The following LPAR1 variants were observed in gnomAD, a reference collection of about 807,000 sequenced individuals.
LPAR1 encodes the protein lysophosphatidic acid receptor 1, also known as LPA receptor 1.
In LPAR1, 5 loss-of-function variants were observed where a neutral mutation model predicts 23.8. The ratio of observed to expected loss-of-function variants is 0.21; its 90% CI spans 0.11 to 0.44. The LOEUF (loss-of-function observed/expected upper bound fraction) is 0.44, where lower values mean the gene tolerates loss of function less well. Among genes scored for constraint, LPAR1 ranks in the 20% least tolerant of loss-of-function variants. The pLI is 0.99. For missense variants in LPAR1, 311 were observed against 482.8 expected (o/e 0.64, Z 3.33); for synonymous variants, 160 against 164.7 (o/e 0.97, Z 0.22).
chr9:111,024,651 T>A (rs1311113879), intron 2 of LPAR1, among the ~76,000 whole-genome samples: 1 of 151,382 alleles, frequency 6.6e-6, no homozygotes, highest in Non-Finnish European at 1.5e-5. Context: ...GCTGCACCCA[T>A]AAACTCGCCA....
chr9:111,005,305 G>A lies in LPAR1; in HGVS notation c.-182+30817C>T, dbSNP rs146445044. ...GGGAGGGAGGTGGGCCAGGCGTGACGGCTCATGCCTGTAATCCCAGCACTG... is the reference window on the plus strand; with the variant it reads ...GGGAGGGAGGTGGGCCAGGCGTGACAGCTCATGCCTGTAATCCCAGCACTG... On this transcript the variant is annotated intron_variant, in intron 2 of 5. Coordinates refer to ENST00000683809, the MANE Select transcript of LPAR1 (RefSeq NM_001351411.2). 7.8e-3 allele frequency among the ~76,000 whole-genome samples: 1,183 copies of A among 151,676 alleles called. 17 individuals are homozygous for A. The highest frequency in any genetic ancestry group is 0.027 in the African/African-American group (1,110 of 41,338).
At chr9:110,944,055 T>C (rs2095285265) in intron 4 of LPAR1, among the ~76,000 whole-genome samples, 1 of 152,142 alleles carries the variant, frequency 6.6e-6, no homozygotes, top group Admixed American at 6.5e-5. Context: ...CTCTATTTAA[T>C]GTGCTGTGCT....
At chr9:110,995,964 G>A (rs1046218506) in intron 2 of LPAR1, among the ~76,000 whole-genome samples, 3 of 152,098 alleles carry the variant, frequency 2.0e-5, no homozygotes, top group Non-Finnish European at 2.9e-5. Context: ...AAGGGAAAAG[G>A]AGCCTCTTTT....
chr9:110,956,955 CGAAACCA>C (rs1306246771), intron 4 of LPAR1, among the ~76,000 whole-genome samples: 5 of 152,076 alleles, frequency 3.3e-5, no homozygotes, highest in Non-Finnish European at 5.9e-5. Flanking sequence ...ACTCTGATAT[CGAAACCA>C]GAAAAGGATG....
At chr9:110,910,001 G>A (rs989457134) in intron 5 of LPAR1, among the ~76,000 whole-genome samples, 11 of 151,882 alleles carry the variant, frequency 7.2e-5, no homozygotes, top group Non-Finnish European at 1.0e-4. Context: ...CACCTGCCTC[G>A]GCTTCCCAAA....
intron 5 of LPAR1, among the ~76,000 whole-genome samples, chr9:110,892,571 G>A (rs190476426): frequency 6.8e-4 from 104 of 152,052 alleles, no homozygotes; most frequent in African/African-American, 2.3e-3. Flanking sequence ...GGCTGAGGCA[G>A]GAGAATCGCT....
intron 2 of LPAR1, among the ~76,000 whole-genome samples, chr9:111,021,963 CAAAAAAAAAA>C (rs3030187): frequency 3.0e-3 from 210 of 69,892 alleles, no homozygotes; most frequent in African/African-American, 0.012. Context: ...GACTCCGTCA[CAAAAAAAAAA>C]AAAAAAAAAA....
intron 5 of LPAR1, among the ~76,000 whole-genome samples, chr9:110,889,239 T>C (rs571029900): frequency 6.6e-6 from 1 of 152,254 alleles, no homozygotes; most frequent in South Asian, 2.1e-4. Flanking sequence ...GCGCCTGTAG[T>C]CTCAGCTACT....
chr9:110,945,139 T>G (rs1051752146), intron 4 of LPAR1, among the ~76,000 whole-genome samples: 4 of 152,134 alleles, frequency 2.6e-5, no homozygotes, highest in African/African-American at 9.7e-5. Flanking sequence ...GTCAAAAGAA[T>G]AAGCAGTGGA....
chr9:111,024,770 A>T (rs1426221435), intron 2 of LPAR1, among the ~76,000 whole-genome samples: 1 of 151,070 alleles, frequency 6.6e-6, no homozygotes, highest in African/African-American at 2.4e-5. Context: ...CTCATTGTTC[A>T]ACTCCCACTT....
rs147474535 is a variant in LPAR1, at chr9:111,002,967, C to T, written c.-181-29409G>A. 9.9e-3 allele frequency among the ~76,000 whole-genome samples: 1,503 copies of T among 151,896 alleles called. 27 individuals are homozygous for T. The highest frequency in any genetic ancestry group is 0.034 in the African/African-American group (1,406 of 41,410). ...CAGCCTGGTCCACATGGTGAGACCC[C>T]ATCTCTACAAAAAAAATAAATAAAT... On this transcript the variant is annotated intron_variant, in intron 2 of 5. Transcript: ENST00000683809.
At chr9:110,965,430 G>GA (rs2096180497) in intron 4 of LPAR1, among the ~76,000 whole-genome samples, 1 of 152,062 alleles carries the variant, frequency 6.6e-6, no homozygotes, top group Admixed American at 6.6e-5. Flanking sequence ...AAATTTAAGA[G>GA]AAAAAACAAC....
chr9:110,952,621 G>A (rs1468621884), intron 4 of LPAR1, among the ~76,000 whole-genome samples: 3 of 152,116 alleles, frequency 2.0e-5, no homozygotes, highest in Admixed American at 6.5e-5. Context: ...CTGAGGAAAG[G>A]CTACTCTGCT....
At chr9:110,959,668 T>A (rs1386843852) in intron 4 of LPAR1, among the ~76,000 whole-genome samples, 1 of 151,724 alleles carries the variant, frequency 6.6e-6, no homozygotes, top group African/African-American at 2.4e-5. Flanking sequence ...GAAAAAGATA[T>A]CAGTATATCA....
chr9:110,947,117 A>G (rs1346262671), intron 4 of LPAR1, among the ~76,000 whole-genome samples: 1 of 152,180 alleles, frequency 6.6e-6, no homozygotes, highest in East Asian at 1.9e-4. Context: ...ATTTTGTAAA[A>G]TTTATGTAGG....
chr9:110,961,771 G>A (rs1053387937), intron 4 of LPAR1, among the ~76,000 whole-genome samples: 1 of 152,012 alleles, frequency 6.6e-6, no homozygotes, highest in African/African-American at 2.4e-5. Context: ...TGTGTACAGG[G>A]GAACTGCCCT....
intron 2 of LPAR1, among the ~76,000 whole-genome samples, chr9:111,034,987 T>C (rs572316781): frequency 3.3e-5 from 5 of 152,300 alleles, no homozygotes; most frequent in Admixed American, 2.6e-4. Context: ...CTCCATTCCC[T>C]GGCATGCCAA....
intron 5 of LPAR1, among the ~76,000 whole-genome samples, chr9:110,892,587 T>G (rs1045395524): frequency 3.3e-5 from 5 of 151,326 alleles, no homozygotes; most frequent in Admixed American, 2.0e-4. Flanking sequence ...TCGCTTGATT[T>G]TGGGAGGCAG....
At chr9:110,892,010 T>A (rs759243532) in intron 5 of LPAR1, among the ~76,000 whole-genome samples, 24 of 152,138 alleles carry the variant, frequency 1.6e-4, no homozygotes, top group Non-Finnish European at 2.8e-4. Flanking sequence ...CATTCACATA[T>A]CATATGACTC....
Sources: gnomAD v4.1 joint callset for allele counts (sites outside exome capture counted in the v4.1 genomes callset) on GRCh38, gnomAD v4.1.1 for gene constraint, MANE v1.5 for transcripts, NCBI Gene and HGNC (gene_info 2026-07-23, HGNC 2026-07-21) for gene names.